ITFG1: variants seen among roughly 807,000 people sequenced by gnomAD.
ITFG1 encodes integrin alpha FG-GAP repeat containing 1.
In ITFG1, 34 loss-of-function variants were observed where a neutral mutation model predicts 81.8. The ratio of observed to expected loss-of-function variants is 0.42; its 90% CI spans 0.32 to 0.55. ITFG1 has a LOEUF of 0.55. ITFG1 is among the 20% of genes least tolerant of loss of function. ITFG1 has a pLI of 0.17. For synonymous variants in ITFG1, 285 were observed against 270.6 expected (o/e 1.05, Z -0.52); for missense variants, 672 against 755.4 (o/e 0.89, Z 1.29).
intron 7 of ITFG1, among the ~76,000 whole-genome samples, chr16:47,371,757 T>C (rs1024169465): frequency 3.9e-5 from 6 of 152,058 alleles, no homozygotes; most frequent in Non-Finnish European, 7.4e-5. Context: ...GTGGTTACTA[T>C]GAACTAGTGA....
intron 14 of ITFG1, among the ~76,000 whole-genome samples, chr16:47,166,564 T>C (rs762266657): frequency 6.6e-6 from 1 of 152,160 alleles, no homozygotes; most frequent in African/African-American, 2.4e-5. Flanking sequence ...CAAAATCCCA[T>C]TAAGAGAAAG....
chr16:47,400,457 TAC>T (rs111375193), intron 6 of ITFG1, among the ~76,000 whole-genome samples: 4,061 of 136,468 alleles, frequency 0.03, 52 homozygotes, highest in Non-Finnish European at 0.033. Flanking sequence ...AGAGTCACTT[TAC>T]ACACACACAC....
chr16:47,177,629 A>G (rs1446030631), intron 14 of ITFG1, among the ~76,000 whole-genome samples: 1 of 152,198 alleles, frequency 6.6e-6, no homozygotes, highest in African/African-American at 2.4e-5. Context: ...ATATAAAGTG[A>G]TTTTAATGAC....
intron 10 of ITFG1, among the ~76,000 whole-genome samples, chr16:47,302,130 C>G (rs1403839870): frequency 6.6e-6 from 1 of 152,116 alleles, no homozygotes; most frequent in East Asian, 1.9e-4. Context: ...AAAATAAGTA[C>G]CTGCTACTAA....
At chr16:47,359,882 T>A (rs907815548) in intron 8 of ITFG1, among the ~76,000 whole-genome samples, 2 of 152,220 alleles carry the variant, frequency 1.3e-5, no homozygotes, top group African/African-American at 4.8e-5. Flanking sequence ...CTCTTACAAC[T>A]TTCTAATAAT....
Position 47,154,627 on chromosome 16 carries a change from G to A in ITFG1, c.*1092C>T, listed in dbSNP as rs1964675492. On this transcript the variant is annotated 3_prime_UTR_variant, in exon 18 of 18. Coordinates refer to ENST00000320640, the MANE Select transcript of ITFG1 (RefSeq NM_030790.5). ...TAAAGTAACTTTTTGGAAATGTGAA[G>A]TTCACAATACAAAATTTGCATTGAA... 1 of 151,940 alleles carries A rather than the reference G, an allele frequency of 6.6e-6. No individual in the cohort carries two copies. Among genetic ancestry groups the A allele is most frequent in the South Asian group, 2.1e-4 (1 of 4,818 alleles). 9.4% of individuals were successfully genotyped at this position (151,940 alleles called of 1,614,324 possible). A position where few individuals can be genotyped will look rare whatever the true frequency, so the allele number is the denominator to read the frequency against.
At chr16:47,418,116 A>C (rs1370628445) in intron 6 of ITFG1, among the ~76,000 whole-genome samples, 1 of 152,016 alleles carries the variant, frequency 6.6e-6, no homozygotes, top group African/African-American at 2.4e-5. Flanking sequence ...TTTAAATTTC[A>C]CTGATGATTA....
At chr16:47,166,021 G>A (rs1160846492) in intron 14 of ITFG1, among the ~76,000 whole-genome samples, 1 of 152,172 alleles carries the variant, frequency 6.6e-6, no homozygotes, top group Non-Finnish European at 1.5e-5. Context: ...GGAAGTGAGG[G>A]TCAGATATGC....
intron 5 of ITFG1, among the ~76,000 whole-genome samples, chr16:47,445,510 T>C (rs1006198439): frequency 1.3e-5 from 2 of 152,178 alleles, no homozygotes; most frequent in Non-Finnish European, 2.9e-5. Flanking sequence ...TCTTTACTTA[T>C]GATAAAGTAA....
At chr16:47,387,731 A>G (rs1371588266) in intron 6 of ITFG1, among the ~76,000 whole-genome samples, 1 of 152,170 alleles carries the variant, frequency 6.6e-6, no homozygotes, top group African/African-American at 2.4e-5. Flanking sequence ...TTTCGGAGGG[A>G]AGACTGTGCA....
chr16:47,315,791 A>ATATATATATATATATATATAC (rs199525088), intron 8 of ITFG1, among the ~76,000 whole-genome samples: 2 of 149,378 alleles, frequency 1.3e-5, no homozygotes, highest in African/African-American at 5.1e-5. Flanking sequence ...ACATATATAT[A>ATATATATATATATATATATAC]ATTTATTATT....
chr16:47,307,310 TA>T (rs1282274477), intron 10 of ITFG1, among the ~76,000 whole-genome samples: 1 of 152,088 alleles, frequency 6.6e-6, no homozygotes, highest in Non-Finnish European at 1.5e-5. Context: ...TGATTGCTGA[TA>T]ATGTGTAATA....
intron 6 of ITFG1, among the ~76,000 whole-genome samples, chr16:47,376,631 G>T (rs1022532023): frequency 6.6e-6 from 1 of 152,060 alleles, no homozygotes; most frequent in South Asian, 2.1e-4. Context: ...AATATATAAG[G>T]TATTAAAACG....
At chr16:47,332,426 G>A (rs1236497191) in intron 8 of ITFG1, among the ~76,000 whole-genome samples, 1 of 151,990 alleles carries the variant, frequency 6.6e-6, no homozygotes, top group Non-Finnish European at 1.5e-5. Context: ...AGCACTTCAC[G>A]GCCACTAAAA....
At chr16:47,446,381 G>T (rs1969325298) in intron 5 of ITFG1, among the ~76,000 whole-genome samples, 2 of 152,126 alleles carry the variant, frequency 1.3e-5, no homozygotes, top group African/African-American at 4.8e-5. Context: ...AATGTCTCAG[G>T]TACATAAGAG....
rs1055164891 is a variant in ITFG1, at chr16:47,313,641, T to C, written c.897+88A>G. On this transcript the variant is annotated intron_variant, in intron 9 of 17. Transcript: ENST00000320640. ...CTTAATTTTGGGGTTCCCTCTGTTC[T>C]GATTCTACAGGTATCTTTTCTAACC... 1.7e-5 allele frequency: 10 copies of C among 595,986 alleles called. No homozygotes were observed. In the African/African-American group the frequency reaches 1.9e-4, roughly 11 times the overall value. 36.9% of individuals were successfully genotyped at this position (595,986 alleles called of 1,614,324 possible).
intron 12 of ITFG1, among the ~76,000 whole-genome samples, chr16:47,254,742 G>A (rs1404386313): frequency 6.6e-6 from 1 of 152,186 alleles, no homozygotes; most frequent in African/African-American, 2.4e-5. Flanking sequence ...AGTACTTAAT[G>A]CGTAACATCT....
chr16:47,343,863 A>C (rs1022714829), intron 8 of ITFG1, among the ~76,000 whole-genome samples: 1 of 152,178 alleles, frequency 6.6e-6, no homozygotes, highest in Admixed American at 6.5e-5. Flanking sequence ...AAGTGAAAGC[A>C]GGGATTCACA....
At chr16:47,257,421 A>G (rs951738690) in intron 12 of ITFG1, among the ~76,000 whole-genome samples, 1 of 152,222 alleles carries the variant, frequency 6.6e-6, no homozygotes, top group African/African-American at 2.4e-5. Flanking sequence ...TGCACTTAAC[A>G]AAACATGTAC....
Sources: gnomAD v4.1 joint callset for allele counts (sites outside exome capture counted in the v4.1 genomes callset) on GRCh38, gnomAD v4.1.1 for gene constraint, MANE v1.5 for transcripts, NCBI Gene and HGNC (gene_info 2026-07-23, HGNC 2026-07-21) for gene names.